Variants in CACNA1D observed in about 807,000 individuals in gnomAD.
CACNA1D encodes the protein calcium voltage-gated channel subunit alpha1 D.
In CACNA1D, 55 loss-of-function variants were observed where a neutral mutation model predicts 257.1. That is an observed-to-expected ratio of 0.21 (90% confidence interval 0.17 to 0.27). CACNA1D has a LOEUF of 0.27. Among genes scored for constraint, CACNA1D ranks in the 10% least tolerant of loss-of-function variants. The pLI is 1.00. For synonymous variants in CACNA1D, 980 were observed against 1,014.9 expected, an observed-to-expected ratio of 0.97 and a Z score of 0.65; for missense variants, 1,876 against 2,784.0, an observed-to-expected ratio of 0.67 and a Z score of 7.34.
chr3:53,767,196 C>A (rs2095337860), intron 30 of CACNA1D, among the ~76,000 whole-genome samples: 1 of 152,136 alleles, frequency 6.6e-6, no homozygotes, highest in South Asian at 2.1e-4. Context: ...ACTACTCGGG[C>A]CAGCTTTACC....
At chr3:53,603,831 C>T (rs918634089) in intron 3 of CACNA1D, among the ~76,000 whole-genome samples, 11 of 152,134 alleles carry the variant, frequency 7.2e-5, no homozygotes, top group South Asian at 2.1e-4. Flanking sequence ...TGCAGGGATA[C>T]GGGGTACTCA....
Position 53,723,798 on chromosome 3 carries a change from G to C in CACNA1D, c.1899G>C (p.Trp633Cys). The C allele has an allele frequency of 1.9e-6, 3 of 1,613,712 alleles. No homozygotes were observed. Among genetic ancestry groups the C allele is most frequent in the Non-Finnish European group, 2.5e-6 (3 of 1,179,630 alleles). ...CCCTCATCTTGACTTATAGGCACTGGACTTCCCTGAGCAACTTAGTGGCAT... is the reference window on the plus strand; with the variant it reads ...CCCTCATCTTGACTTATAGGCACTGCACTTCCCTGAGCAACTTAGTGGCAT... ...LLRIFKVTRH[W>C]TSLSNLVASL... is the part of the protein sequence containing the mutation. Residue 633 changes from tryptophan to cysteine, a missense_variant, in exon 14 of 48, where the codon TGG (tryptophan) becomes TGC (cysteine). This residue lies in a region of CACNA1D where 257 missense variants were observed against 399.7 expected (regional missense o/e 0.64). Transcript: ENST00000350061. The surrounding 1 kb of genome is among the most constrained non-coding windows in gnomAD (Gnocchi z 5.6).
At chr3:53,574,125 G>T (rs1300528811) in intron 3 of CACNA1D, among the ~76,000 whole-genome samples, 16 of 152,166 alleles carry the variant, frequency 1.1e-4, no homozygotes, top group Non-Finnish European at 1.3e-4. Context: ...CATGCAGCAA[G>T]GAAGCTCAGT....
chr3:53,759,708 A>T (rs538598737), intron 29 of CACNA1D, among the ~76,000 whole-genome samples: 103 of 152,392 alleles, frequency 6.8e-4, no homozygotes, highest in Non-Finnish European at 1.2e-3. Flanking sequence ...CACCAGTCAG[A>T]GAACTGCTTG....
intron 3 of CACNA1D, among the ~76,000 whole-genome samples, chr3:53,640,793 C>A (rs1384958606): frequency 6.6e-6 from 1 of 152,192 alleles, no homozygotes; most frequent in Non-Finnish European, 1.5e-5. Flanking sequence ...GCCTGAATGG[C>A]AAAACATGTG....
intron 3 of CACNA1D, among the ~76,000 whole-genome samples, chr3:53,613,188 T>A (rs954728172): frequency 6.6e-6 from 1 of 152,272 alleles, no homozygotes; most frequent in African/African-American, 2.4e-5. Flanking sequence ...TTCTCTATAA[T>A]GTATTTATCA....
intron 3 of CACNA1D, among the ~76,000 whole-genome samples, chr3:53,505,115 GTTTTTTTTT>G (rs35938386): frequency 2.0e-5 from 2 of 97,620 alleles, no homozygotes; most frequent in Admixed American, 1.3e-4. Context: ...TTGTTTATTT[GTTTTTTTTT>G]TTTTTTTTTT....
At chr3:53,765,434 T>C (rs559962875) in intron 30 of CACNA1D, 9 of 152,794 alleles carry the variant, frequency 5.9e-5, no homozygotes, top group Admixed American at 1.3e-4. Context: ...TTGATTTTCA[T>C]GTTGGTTTTA....
At chr3:53,580,645 C>T (rs1472247557) in intron 3 of CACNA1D, among the ~76,000 whole-genome samples, 3 of 152,200 alleles carry the variant, frequency 2.0e-5, no homozygotes, top group Non-Finnish European at 4.4e-5. Flanking sequence ...CCTCACTTGG[C>T]CCTTTTTGGC....
intron 3 of CACNA1D, among the ~76,000 whole-genome samples, chr3:53,560,651 C>T (rs903461271): frequency 6.6e-6 from 1 of 152,192 alleles, no homozygotes; most frequent in Non-Finnish European, 1.5e-5. Context: ...GTAAAAGCAA[C>T]CACGAACAAT....
At chr3:53,551,465 G>T (rs892196455) in intron 3 of CACNA1D, among the ~76,000 whole-genome samples, 1 of 152,196 alleles carries the variant, frequency 6.6e-6, no homozygotes, top group African/African-American at 2.4e-5. Context: ...GGTTGCTGCC[G>T]GGTATGACCC....
At chr3:53,571,538 C>A (rs1261541538) in intron 3 of CACNA1D, among the ~76,000 whole-genome samples, 1 of 151,828 alleles carries the variant, frequency 6.6e-6, no homozygotes, top group Non-Finnish European at 1.5e-5. Context: ...ATCCCGTAGT[C>A]TCACTTAGGC....
At chr3:53,632,134 A>G (rs958392052) in intron 3 of CACNA1D, among the ~76,000 whole-genome samples, 2 of 152,220 alleles carry the variant, frequency 1.3e-5, no homozygotes, top group Non-Finnish European at 1.5e-5. Flanking sequence ...TCTCCTTACA[A>G]TAGAAGGCTG....
chr3:53,563,925 A>C (rs2092786478), intron 3 of CACNA1D, among the ~76,000 whole-genome samples: 1 of 152,206 alleles, frequency 6.6e-6, no homozygotes, highest in African/African-American at 2.4e-5. Context: ...TTGTGGGTAC[A>C]TCTTCAGCTT....
chr3:53,770,003 A>C lies in CACNA1D; in HGVS notation c.3901A>C (p.Thr1301Pro). Residue 1301 changes from threonine to proline, a missense_variant, in exon 31 of 48, where the codon ACT becomes CCT. This residue lies in a region of CACNA1D where 204 missense variants were observed against 309.4 expected (regional missense o/e 0.66). Transcript: ENST00000350061. ...TGAAAGTGAAAATGTCCCTGTCCCA[A>C]CTGCTACACCTGGGGTAAGATCAGT... ...PTESENVPVP[T>P]ATPGNSEESN... The C allele has an allele frequency of 6.2e-7, 1 of 1,613,332 alleles. No homozygotes were observed. The highest frequency in any genetic ancestry group is 8.5e-7 in the Non-Finnish European group (1 of 1,179,256).
At chr3:53,766,621 T>C (rs886432568) in intron 30 of CACNA1D, among the ~76,000 whole-genome samples, 1 of 152,182 alleles carries the variant, frequency 6.6e-6, no homozygotes, top group African/African-American at 2.4e-5. Flanking sequence ...CCAGAGCCTA[T>C]GTGGTAAGAG....
At chr3:53,726,751 A>G (rs2094938889) in intron 14 of CACNA1D, 128 bp from the exon 15 acceptor site, 1 of 1,042,876 alleles carries the variant, frequency 9.6e-7, no homozygotes, top group Non-Finnish European at 1.5e-6. Flanking sequence ...TAACAGATGG[A>G]TTTGTTCAGT....
intron 3 of CACNA1D, among the ~76,000 whole-genome samples, chr3:53,646,929 G>A (rs1188552347): frequency 6.6e-6 from 1 of 152,218 alleles, no homozygotes; most frequent in Non-Finnish European, 1.5e-5. Context: ...CCCACCTCCT[G>A]CTAGTTGACA....
intron 42 of CACNA1D, among the ~76,000 whole-genome samples, chr3:53,801,832 T>C (rs981294921): frequency 2.6e-5 from 4 of 152,348 alleles, no homozygotes; most frequent in African/African-American, 9.6e-5. Flanking sequence ...GTGTGAAATA[T>C]GTAAGTGAAT....
Sources: allele counts gnomAD v4.1 joint callset (sites outside exome capture counted in the v4.1 genomes callset), GRCh38; gene constraint gnomAD v4.1.1; regional missense constraint gnomAD v4.1.1; non-coding constraint Gnocchi (gnomAD v3.1); transcripts MANE v1.5; gene names NCBI Gene and HGNC (gene_info 2026-07-23, HGNC 2026-07-21).